AP3M1: variants seen among roughly 807,000 people sequenced by gnomAD.
The protein encoded by AP3M1 is AP-3 complex subunit mu-1.
Under a neutral mutation model 42.6 loss-of-function variants are expected in AP3M1, and 29 were observed. The observed-to-expected ratio is 0.68, with a 90% CI of 0.51 to 0.93. AP3M1 has a LOEUF of 0.93. Among genes scored for constraint, AP3M1 ranks in the 40% least tolerant of loss-of-function variants. The pLI is 0.00. For synonymous variants in AP3M1, 178 were observed against 175.3 expected (o/e 1.02, Z -0.12); for missense variants, 416 against 510.2 (o/e 0.82, Z 1.78).
At chr10:74,143,272 CAG>C (rs2131995780) in intron 1 of AP3M1, among the ~76,000 whole-genome samples, 1 of 152,340 alleles carries the variant, frequency 6.6e-6, no homozygotes, top group Admixed American at 6.5e-5. Flanking sequence ...TTTGTTTGAG[CAG>C]AGTCTCCCAC....
chr10:74,140,616 A>G (rs1262577718), intron 1 of AP3M1, among the ~76,000 whole-genome samples: 1 of 152,146 alleles, frequency 6.6e-6, no homozygotes, highest in African/African-American at 2.4e-5. Context: ...ATTAAAAAAA[A>G]AAAGGAACAA....
chr10:74,139,007 T>C (rs1340905228), intron 1 of AP3M1: 2 of 149,424 alleles, frequency 1.3e-5, no homozygotes, highest in African/African-American at 2.5e-5. Flanking sequence ...TATTTAAAGG[T>C]GAAAGACCGA....
At position 74,144,346 on chromosome 10, in the gene AP3M1, C is replaced by T. The variant is rs867057526; in HGVS notation, c.-3-5964G>A. On this transcript the variant is annotated intron_variant, in intron 1 of 8. Transcript: ENST00000355264. ...GCTGCGTCATCTTGGCTCACTCCAA[C>T]GCCCACCTCCAGAGCCCAAGCGATC... is the stretch of plus-strand genomic sequence containing the variant. Among the ~76,000 whole-genome samples the T allele has an allele frequency of 5.9e-5, 9 of 151,832 alleles. No individual in the cohort carries two copies. In the South Asian group the frequency reaches 8.3e-4, roughly 14 times the overall value.
At chr10:74,127,308 T>A (rs1330993744) in intron 6 of AP3M1, among the ~76,000 whole-genome samples, 1 of 151,960 alleles carries the variant, frequency 6.6e-6, no homozygotes, top group African/African-American at 2.4e-5. Context: ...CTGGGAACTG[T>A]ATACAAATCA....
chr10:74,140,028 CAG>C (rs1380866774), intron 1 of AP3M1, among the ~76,000 whole-genome samples: 9 of 151,920 alleles, frequency 5.9e-5, no homozygotes, highest in Non-Finnish European at 8.8e-5. Context: ...AAAGGAACAA[CAG>C]GGGCGAACGG....
In AP3M1 at chr10:74,123,168, A is replaced by G. The variant is rs994584227; in HGVS notation, c.*642T>C. 1.3e-5 allele frequency: 2 copies of G among 152,660 alleles called. No individual in the cohort carries two copies. The highest frequency in any genetic ancestry group is 4.8e-5 in the African/African-American group (2 of 41,460). The allele number at this position is 152,660 out of a possible 1,614,324, so 9.5% of individuals were successfully genotyped here. On this transcript the variant is annotated 3_prime_UTR_variant, in exon 9 of 9. Coordinates refer to ENST00000355264, the MANE Select transcript of AP3M1 (RefSeq NM_012095.6). ...GCAAGGTCCCTGTAAATCAAATTCT[A>G]AGCTTTACATAAAAATCTTATTTAT...
intron 1 of AP3M1, among the ~76,000 whole-genome samples, chr10:74,145,543 CTTTA>C (rs1037913947): frequency 3.3e-5 from 5 of 152,166 alleles, no homozygotes; most frequent in African/African-American, 1.2e-4. Context: ...TAGCCTGTTT[CTTTA>C]TTTATCGTCC....
intron 8 of AP3M1, 124 bp downstream of exon 8, chr10:74,124,256 G>C: frequency 8.1e-7 from 1 of 1,227,952 alleles, no homozygotes; most frequent in Admixed American, 2.6e-5. Flanking sequence ...ACCAAGCACA[G>C]TATAAAAGGC....
At chr10:74,126,516 C>A (rs989304060) in intron 6 of AP3M1, among the ~76,000 whole-genome samples, 161 bp from the exon 7 acceptor site, 3 of 152,174 alleles carry the variant, frequency 2.0e-5, no homozygotes, top group Admixed American at 2.0e-4. Flanking sequence ...CACAGTTCTG[C>A]ATCCTTGAAT....
At chr10:74,148,867 A>G (rs1449753080) in intron 1 of AP3M1, among the ~76,000 whole-genome samples, 1 of 149,930 alleles carries the variant, frequency 6.7e-6, no homozygotes, top group Non-Finnish European at 1.5e-5. Context: ...TGCCCATAGT[A>G]TATTGGTTTG....
At chr10:74,143,812 C>G (rs999695908) in intron 1 of AP3M1, among the ~76,000 whole-genome samples, 1 of 152,190 alleles carries the variant, frequency 6.6e-6, no homozygotes, top group African/African-American at 2.4e-5. Flanking sequence ...ATTAGGAACA[C>G]GTTCTAATAC....
intron 2 of AP3M1, 40 bp from the exon 3 acceptor site, chr10:74,136,843 A>C (rs10762576): frequency 0.71 from 989,141 of 1,387,428 alleles, 357,033 homozygotes; most frequent in Middle Eastern, 0.83. Context: ...ATGGAAGGCA[A>C]AAAGAAAGGC....
chr10:74,134,789 A>T lies in AP3M1; in HGVS notation c.446-625T>A, dbSNP rs775027330. Among the ~76,000 whole-genome samples, 48 of 152,222 alleles carry T rather than the reference A, an allele frequency of 3.2e-4. 1 individual carries two copies. Among genetic ancestry groups the T allele is most frequent in the Non-Finnish European group, 1.0e-4 (7 of 68,040 alleles). On this transcript the variant is annotated intron_variant, in intron 3 of 8. Transcript: ENST00000355264. ...ATATTTTGGTTAATTTATATTTCCC[A>T]TTCGAAAGTACTACATACTTAACAA...
chr10:74,136,428 AG>A (rs993027166), intron 3 of AP3M1, among the ~76,000 whole-genome samples: 1 of 151,996 alleles, frequency 6.6e-6, no homozygotes, highest in Non-Finnish European at 1.5e-5. Flanking sequence ...AAAAAAAAAG[AG>A]TAATAACCAA....
chr10:74,136,089 C>G (rs1426355532), intron 3 of AP3M1, among the ~76,000 whole-genome samples: 1 of 152,224 alleles, frequency 6.6e-6, no homozygotes, highest in African/African-American at 2.4e-5. Flanking sequence ...AACACAAGTA[C>G]AGGCCCACAA....
At chr10:74,129,564 T>C (rs867764428) in intron 5 of AP3M1, among the ~76,000 whole-genome samples, 16 of 152,248 alleles carry the variant, frequency 1.1e-4, no homozygotes, top group African/African-American at 3.9e-4. Context: ...TAATTGTTCC[T>C]AGCAGTATAT....
intron 1 of AP3M1, among the ~76,000 whole-genome samples, chr10:74,140,680 T>C (rs1841118500): frequency 6.6e-6 from 1 of 151,738 alleles, no homozygotes; most frequent in African/African-American, 2.4e-5. Flanking sequence ...AAAACTACTA[T>C]GTGGTATTGG....
At chr10:74,148,496 G>A (rs1189061998) in intron 1 of AP3M1, among the ~76,000 whole-genome samples, 1 of 152,128 alleles carries the variant, frequency 6.6e-6, no homozygotes, top group Admixed American at 6.5e-5. Flanking sequence ...ACACAGTACT[G>A]AGCTACTTAA....
chr10:74,134,808 T>G (rs991349545), intron 3 of AP3M1, among the ~76,000 whole-genome samples: 2 of 152,142 alleles, frequency 1.3e-5, no homozygotes, highest in African/African-American at 2.4e-5. Flanking sequence ...TACTACATAC[T>G]TAACAACAAC....
Sources: gnomAD v4.1 joint callset for allele counts (sites outside exome capture counted in the v4.1 genomes callset) on GRCh38, gnomAD v4.1.1 for gene constraint, MANE v1.5 for transcripts, NCBI Gene and HGNC (gene_info 2026-07-23, HGNC 2026-07-21) for gene names.